Variants in DPP10 observed in about 807,000 individuals in gnomAD.
DPP10 encodes the protein inactive dipeptidyl peptidase 10.
Under a neutral mutation model 120.9 loss-of-function variants are expected in DPP10, and 33 were observed. That is an observed-to-expected ratio of 0.27 (90% confidence interval 0.21 to 0.37). The LOEUF (loss-of-function observed/expected upper bound fraction) is 0.37. Among genes scored for constraint, DPP10 ranks in the 10% least tolerant of loss-of-function variants. DPP10 has a pLI of 1.00. For missense variants in DPP10, 816 were observed against 942.8 expected (o/e 0.87, Z 1.76); for synonymous variants, 337 against 326.1 (o/e 1.03, Z -0.36).
chr2:114,558,257 A>C (rs1366139832), intron 1 of DPP10, among the ~76,000 whole-genome samples: 1 of 152,164 alleles, frequency 6.6e-6, no homozygotes, highest in African/African-American at 2.4e-5. Context: ...TGGTAGTTTC[A>C]CTTTAAACCA....
chr2:115,556,149 T>C (rs187930248), intron 5 of DPP10, among the ~76,000 whole-genome samples: 7 of 152,224 alleles, frequency 4.6e-5, no homozygotes, highest in Middle Eastern at 3.4e-3. Context: ...TGCTTTTTAC[T>C]GAGTGGTAAA....
intron 5 of DPP10, 83 bp downstream of exon 5, chr2:115,526,055 A>C: frequency 3.5e-6 from 4 of 1,136,176 alleles, no homozygotes; most frequent in Non-Finnish European, 5.1e-6. Flanking sequence ...GCTATAACTC[A>C]CCTAAGCAAA....
At chr2:114,937,790 A>G (rs532440021) in intron 1 of DPP10, among the ~76,000 whole-genome samples, 1 of 152,208 alleles carries the variant, frequency 6.6e-6, no homozygotes, top group Admixed American at 6.5e-5. Flanking sequence ...CCTGGCTAGT[A>G]CTTGGATGGG....
At chr2:115,556,041 A>G (rs2080189509) in intron 5 of DPP10, among the ~76,000 whole-genome samples, 1 of 152,100 alleles carries the variant, frequency 6.6e-6, no homozygotes, top group Non-Finnish European at 1.5e-5. Context: ...GGGTCCCCAG[A>G]GTCTATAATT....
At position 115,527,253 on chromosome 2, in the gene DPP10, G is replaced by A. The variant is rs566461686; in HGVS notation, c.441+1281G>A. ...TGCCTAATAGATTGTTGGCAAAGGT[G>A]CACAAGCAATTTAATGGAGGACAGT... is the stretch of plus-strand genomic sequence containing the variant. On this transcript the variant is annotated intron_variant, in intron 5 of 25. Transcript: ENST00000410059. 2.9e-4 allele frequency among the ~76,000 whole-genome samples: 44 copies of A among 152,152 alleles called. No individual in the cohort carries two copies. In the South Asian group the frequency reaches 3.5e-3, roughly 12 times the overall value.
chr2:114,695,173 G>A (rs1290219977), intron 1 of DPP10, among the ~76,000 whole-genome samples: 1 of 152,020 alleles, frequency 6.6e-6, no homozygotes, highest in Non-Finnish European at 1.5e-5. Flanking sequence ...AAAGAGGGCA[G>A]TTAGGCGCTT....
chr2:115,051,292 TAG>T (rs1478069163), intron 1 of DPP10, among the ~76,000 whole-genome samples: 14 of 151,328 alleles, frequency 9.3e-5, no homozygotes, highest in Non-Finnish European at 1.8e-4. Context: ...TATCACCAAA[TAG>T]AGAGTATCAA....
intron 1 of DPP10, among the ~76,000 whole-genome samples, chr2:114,905,704 A>G (rs1693909070): frequency 1.3e-5 from 2 of 152,142 alleles, no homozygotes; most frequent in Non-Finnish European, 2.9e-5. Flanking sequence ...AAAGGAATAT[A>G]AATCATTCTA....
intron 1 of DPP10, among the ~76,000 whole-genome samples, chr2:114,527,410 T>G (rs1418973862): frequency 6.6e-6 from 1 of 152,202 alleles, no homozygotes; most frequent in Admixed American, 6.6e-5. Flanking sequence ...TAATGTTCTG[T>G]GGTCGTAACT....
intron 1 of DPP10, among the ~76,000 whole-genome samples, chr2:115,174,941 C>T (rs76039435): frequency 0.037 from 5,677 of 152,214 alleles, 341 homozygotes; most frequent in African/African-American, 0.13. Flanking sequence ...TAGAGGAGAA[C>T]AATTTGGTAG....
intron 1 of DPP10, among the ~76,000 whole-genome samples, chr2:114,927,983 C>A (rs1695763797): frequency 6.6e-6 from 1 of 152,102 alleles, no homozygotes; most frequent in African/African-American, 2.4e-5. Flanking sequence ...TTTCACCAAC[C>A]CTCCCCACCA....
intron 5 of DPP10, among the ~76,000 whole-genome samples, chr2:115,652,759 A>G: frequency 6.6e-6 from 1 of 151,844 alleles, no homozygotes; most frequent in South Asian, 2.1e-4. Context: ...TCAAGCCTCC[A>G]TGGATTGGAT....
chr2:114,554,632 C>T (rs939432115), intron 1 of DPP10, among the ~76,000 whole-genome samples: 1 of 152,264 alleles, frequency 6.6e-6, no homozygotes, highest in African/African-American at 2.4e-5. Flanking sequence ...CTGGAAGGTA[C>T]ATGTAGGGAC....
chr2:115,667,532 A>T (rs2089551447), intron 5 of DPP10, among the ~76,000 whole-genome samples: 1 of 152,148 alleles, frequency 6.6e-6, no homozygotes, highest in Non-Finnish European at 1.5e-5. Flanking sequence ...GTGGTAAAGA[A>T]AGGGTACAGT....
At chr2:114,503,057 G>A (rs1683335186) in intron 1 of DPP10, among the ~76,000 whole-genome samples, 3 of 152,172 alleles carry the variant, frequency 2.0e-5, no homozygotes, top group Admixed American at 2.0e-4. Context: ...AGATGGATAA[G>A]AGTTGAAAAA....
At chr2:115,830,832 C>T (rs114420731) in intron 21 of DPP10, among the ~76,000 whole-genome samples, 1,533 of 152,208 alleles carry the variant, frequency 0.01, 11 homozygotes, top group Non-Finnish European at 0.015. Flanking sequence ...ATAAAACAAA[C>T]TTAAAAATGT....
rs546038762 is a variant in DPP10, at chr2:114,907,253, C to T, written c.61-401986C>T. Among the ~76,000 whole-genome samples, 157 of 152,004 alleles carry T rather than the reference C, an allele frequency of 1.0e-3. 1 individual carries two copies. The highest frequency in any genetic ancestry group is 3.6e-3 in the African/African-American group (149 of 41,542). ...TTAATTTATTCATCTTTTCAGAGAA[C>T]CAAATTAGATTTTCTTGACTTTCTC... On this transcript the variant is annotated intron_variant, in intron 1 of 25. Transcript: ENST00000410059.
intron 23 of DPP10, 25 bp from the exon 24 acceptor site, chr2:115,836,649 C>G (rs768931760): frequency 6.2e-7 from 1 of 1,610,094 alleles, no homozygotes; most frequent in Non-Finnish European, 8.5e-7. Flanking sequence ...TCTATAGATA[C>G]AGATATTTGT....
intron 5 of DPP10, among the ~76,000 whole-genome samples, chr2:115,662,582 T>C (rs2089091551): frequency 6.6e-6 from 1 of 152,050 alleles, no homozygotes; most frequent in South Asian, 2.1e-4. Flanking sequence ...AAAACCACAC[T>C]GAAATATCAC....
Sources: allele counts gnomAD v4.1 joint callset (sites outside exome capture counted in the v4.1 genomes callset), GRCh38; gene constraint gnomAD v4.1.1; transcripts MANE v1.5; gene names NCBI Gene and HGNC (gene_info 2026-07-23, HGNC 2026-07-21).